Variants in TRUB1 observed in about 807,000 individuals in gnomAD.
TRUB1 encodes the protein pseudouridylate synthase TRUB1.
A neutral mutation model predicts 33.9 loss-of-function variants in TRUB1; 23 were observed. The ratio of observed to expected loss-of-function variants is 0.68; its 90% CI spans 0.49 to 0.96. The LOEUF (loss-of-function observed/expected upper bound fraction) is 0.96, where lower values mean the gene tolerates loss of function less well. Ranked by LOEUF, TRUB1 falls within the 40% of genes least tolerant of loss-of-function variation. The probability of loss-of-function intolerance (pLI) is 0.00; values close to 1 mark genes in which losing one functional copy is unlikely to be tolerated. For missense variants in TRUB1, 378 were observed against 422.2 expected (o/e 0.90, Z 0.92); for synonymous variants, 163 against 165.4 (o/e 0.99, Z 0.11).
chr10:114,952,782 A>G (rs2084242905), intron 3 of TRUB1, among the ~76,000 whole-genome samples: 1 of 152,196 alleles, frequency 6.6e-6, no homozygotes, highest in Non-Finnish European at 1.5e-5. Context: ...GTAAATTTTT[A>G]TACTGTGCTT....
chr10:114,953,344 G>A (rs142107818), intron 3 of TRUB1, among the ~76,000 whole-genome samples: 10 of 152,212 alleles, frequency 6.6e-5, no homozygotes, highest in African/African-American at 1.7e-4. Flanking sequence ...AATAGGCATC[G>A]TTGTCTTGTT....
intron 1 of TRUB1, among the ~76,000 whole-genome samples, chr10:114,938,858 T>C (rs138847452): frequency 2.9e-3 from 448 of 152,352 alleles, no homozygotes; most frequent in African/African-American, 0.01. Flanking sequence ...GTTGGGTTCA[T>C]GTGGATGAAC....
chr10:114,941,601 C>T lies in TRUB1; in HGVS notation c.287-1044C>T, dbSNP rs1241550502. On this transcript the variant is annotated intron_variant, in intron 1 of 7. Transcript: ENST00000298746. ...CAAGTGATCCACCCATCTCGGCCTCCCAAAGTGCTGGGATTACAGGCATGA... is the reference window on the plus strand; with the variant it reads ...CAAGTGATCCACCCATCTCGGCCTCTCAAAGTGCTGGGATTACAGGCATGA... Among the ~76,000 whole-genome samples the T allele has an allele frequency of 2.0e-5, 3 of 152,120 alleles. No homozygotes were observed. The East Asian group carries it at 5.8e-4, about 29-fold the overall frequency.
At chr10:114,947,398 A>G (rs1475959093) in intron 2 of TRUB1, among the ~76,000 whole-genome samples, 5 of 152,386 alleles carry the variant, frequency 3.3e-5, no homozygotes, top group Admixed American at 6.5e-5. Flanking sequence ...CCTATTTATC[A>G]TAAATCACTT....
chr10:114,938,566 C>G (rs1428997439), intron 1 of TRUB1, 27 bp downstream of exon 1: 1 of 1,506,128 alleles, frequency 6.6e-7, no homozygotes, highest in Non-Finnish European at 8.9e-7. Flanking sequence ...GGGGACCAGG[C>G]TGAGGCGGTC....
Position 114,970,360 on chromosome 10 carries a change from T to C in TRUB1, c.524-8T>C. On this transcript the variant is annotated splice_region_variant and splice_polypyrimidine_tract_variant and intron_variant, in intron 4 of 7. Coordinates refer to ENST00000298746, the MANE Select transcript of TRUB1 (RefSeq NM_139169.5). ...TGTTTTAGTGTCTTTTTTGTTGATTTTTGGCAGATAAAATAACACAAGAAG... is the reference window on the plus strand; with the variant it reads ...TGTTTTAGTGTCTTTTTTGTTGATTCTTGGCAGATAAAATAACACAAGAAG... 6.3e-7 allele frequency: 1 copy of C among 1,599,794 alleles called. No individual in the cohort carries two copies.
chr10:114,968,748 A>G (rs1384759427), intron 4 of TRUB1, among the ~76,000 whole-genome samples: 1 of 152,202 alleles, frequency 6.6e-6, no homozygotes, highest in Non-Finnish European at 1.5e-5. Context: ...TTAAGGGTCA[A>G]GGTCATACTG....
In TRUB1 at chr10:114,938,309, C is replaced by G; in HGVS notation, c.56C>G (p.Ser19Cys). ...TCGCCGTCTTTGAAAACAGACACAT[C>G]CCCTGTCCTTGAAACTGCAGGAACG... ...VSSPSLKTDT[S>C]PVLETAGTVA... Residue 19 changes from serine (S) to cysteine (C), a missense_variant, in exon 1 of 8, where the codon TCC becomes TGC. Physicochemically the swap from Ser to Cys is moderately radical, Grantham distance 112 (BLOSUM62 -1). Transcript: ENST00000298746. 6.2e-7 allele frequency: 1 copy of G among 1,614,212 alleles called. No individual in the cohort carries two copies. The highest frequency in any genetic ancestry group is 8.5e-7 in the Non-Finnish European group (1 of 1,180,034).
At chr10:114,952,481 ATAGGTAGATAGG>A (rs1231911134) in intron 3 of TRUB1, among the ~76,000 whole-genome samples, 1 of 139,062 alleles carries the variant, frequency 7.2e-6, no homozygotes, top group African/African-American at 2.7e-5. Flanking sequence ...AGGTAGGTAG[ATAGGTAGATAGG>A]TAGGTAGGTA....
intron 1 of TRUB1, among the ~76,000 whole-genome samples, chr10:114,941,723 G>A (rs567178793): frequency 6.6e-6 from 1 of 152,204 alleles, no homozygotes; most frequent in African/African-American, 2.4e-5. Context: ...AGGAAGTTAA[G>A]GTGCAACTTA....
At chr10:114,956,380 T>C (rs926733623) in intron 3 of TRUB1, among the ~76,000 whole-genome samples, 5 of 152,174 alleles carry the variant, frequency 3.3e-5, no homozygotes, top group African/African-American at 1.2e-4. Context: ...TATTTTAGAC[T>C]CCATAAGATA....
chr10:114,953,035 T>C (rs1391616457), intron 3 of TRUB1, among the ~76,000 whole-genome samples: 1 of 152,188 alleles, frequency 6.6e-6, no homozygotes, highest in Non-Finnish European at 1.5e-5. Context: ...AGATAAAATA[T>C]GTTGAGTTCA....
At position 114,977,373 on chromosome 10, in the gene TRUB1, A is replaced by T. The variant is rs1348997522; in HGVS notation, c.*1994A>T. ...TTTAATTATATTACTTTATACTCTT[A>T]ATTTATTTAGAGTATTTCTCTATTG... On this transcript the variant is annotated 3_prime_UTR_variant, in exon 8 of 8. Transcript: ENST00000298746. 1 of 151,906 alleles carries T rather than the reference A, an allele frequency of 6.6e-6. No homozygotes were observed. The highest frequency in any genetic ancestry group is 1.5e-5 in the Non-Finnish European group (1 of 67,908). The allele number at this position is 151,906 out of a possible 1,614,324, so 9.4% of individuals were successfully genotyped here.
At chr10:114,951,893 A>C (rs952561115) in intron 3 of TRUB1, among the ~76,000 whole-genome samples, 1 of 152,200 alleles carries the variant, frequency 6.6e-6, no homozygotes, top group Non-Finnish European at 1.5e-5. Context: ...TTTGTTTTAA[A>C]ACTCTTGCTC....
chr10:114,949,955 A>G (rs1306462658), intron 2 of TRUB1, among the ~76,000 whole-genome samples: 2 of 148,984 alleles, frequency 1.3e-5, no homozygotes, highest in Admixed American at 1.3e-4. Context: ...CTGGAGTGCA[A>G]TGGTGTGATC....
intron 4 of TRUB1, among the ~76,000 whole-genome samples, chr10:114,962,555 T>A (rs2084288814): frequency 6.6e-6 from 1 of 152,224 alleles, no homozygotes; most frequent in Non-Finnish European, 1.5e-5. Flanking sequence ...CAACATCAGT[T>A]GTTCTTGACA....
chr10:114,956,417 T>A (rs2084261977), intron 3 of TRUB1, among the ~76,000 whole-genome samples: 1 of 152,230 alleles, frequency 6.6e-6, no homozygotes, highest in African/African-American at 2.4e-5. Flanking sequence ...TGTGTGTATC[T>A]CCATGTCTTT....
chr10:114,960,159 T>TA (rs11437542), intron 4 of TRUB1, among the ~76,000 whole-genome samples: 16,695 of 150,784 alleles, frequency 0.11, 2,773 homozygotes, highest in African/African-American at 0.36. Context: ...GTCTTGCCAT[T>TA]AAAAAAAAAT....
Position 114,938,270 on chromosome 10 carries a change from C to A in TRUB1, c.17C>A (p.Ala6Glu). The change falls in exon 1 of 8, where the codon GCG becomes GAG. Residue 6 changes from alanine (A) to glutamate (E), a missense_variant. Ala to Glu is a moderately radical substitution (Grantham distance 107, BLOSUM62 -1). Transcript: ENST00000298746. The part of the protein sequence containing the change: MAASE[A>E]AVVSSPSLKT... ...TACAAAAGTATGGCCGCTTCTGAGGCGGCGGTGGTGTCTTCGCCGTCTTTG... is the reference window on the plus strand; with the variant it reads ...TACAAAAGTATGGCCGCTTCTGAGGAGGCGGTGGTGTCTTCGCCGTCTTTG... 6.2e-7 allele frequency: 1 copy of A among 1,614,118 alleles called. No homozygotes were observed. Among genetic ancestry groups the A allele is most frequent in the South Asian group, 1.1e-5 (1 of 91,052 alleles).
Sources: allele counts gnomAD v4.1 joint callset (sites outside exome capture counted in the v4.1 genomes callset), GRCh38; gene constraint gnomAD v4.1.1; transcripts MANE v1.5; gene names NCBI Gene and HGNC (gene_info 2026-07-23, HGNC 2026-07-21).